The following SEMA3A variants were observed in gnomAD, a reference collection of about 807,000 sequenced individuals.
SEMA3A encodes the protein semaphorin-3A.
SEMA3A carries 29 observed loss-of-function variants against 97.9 expected under a neutral mutation model. The ratio of observed to expected loss-of-function variants is 0.30; its 90% CI spans 0.22 to 0.40. The LOEUF (loss-of-function observed/expected upper bound fraction) is 0.40, where lower values mean the gene tolerates loss of function less well. Among genes scored for constraint, SEMA3A ranks in the 10% least tolerant of loss-of-function variants. SEMA3A has a pLI of 1.00. For synonymous variants in SEMA3A, 321 were observed against 323.7 expected (o/e 0.99, Z 0.09); for missense variants, 763 against 951.3 (o/e 0.80, Z 2.60).
intron 6 of SEMA3A, among the ~76,000 whole-genome samples, chr7:84,020,138 C>G (rs1421799097): frequency 6.9e-6 from 1 of 145,956 alleles, no homozygotes; most frequent in Admixed American, 7.0e-5. Context: ...CTCCACCACC[C>G]GGGTTCAAGT....
intron 1 of SEMA3A, among the ~76,000 whole-genome samples, chr7:84,427,992 T>C (rs1392018359): frequency 2.0e-5 from 3 of 152,110 alleles, no homozygotes; most frequent in Admixed American, 6.6e-5. Context: ...GTAATGAATA[T>C]TGTATTTAGC....
intron 1 of SEMA3A, among the ~76,000 whole-genome samples, chr7:84,486,115 C>T (rs536920446): frequency 1.2e-4 from 18 of 152,220 alleles, no homozygotes; most frequent in African/African-American, 3.6e-4. Flanking sequence ...ACAGGCCAGG[C>T]GTGGTGGCTC....
At chr7:84,008,002 T>A (rs1790734061) in intron 9 of SEMA3A, among the ~76,000 whole-genome samples, 1 of 152,136 alleles carries the variant, frequency 6.6e-6, no homozygotes, top group South Asian at 2.1e-4. Context: ...AAGTATTAGA[T>A]CAAGTAGAAG....
chr7:84,280,556 G>A (rs1031426370), intron 3 of SEMA3A, among the ~76,000 whole-genome samples: 15 of 151,954 alleles, frequency 9.9e-5, no homozygotes, highest in Non-Finnish European at 1.9e-4. Flanking sequence ...GGTAGAGGTG[G>A]GCATGTCACC....
chr7:83,991,039 C>A (rs1789902795), intron 12 of SEMA3A, among the ~76,000 whole-genome samples: 3 of 150,668 alleles, frequency 2.0e-5, no homozygotes, highest in Admixed American at 2.0e-4. Flanking sequence ...CTTCACATCC[C>A]TTGTAAGTTG....
In SEMA3A at chr7:84,129,115, A is replaced by G. The variant is rs1795883383; in HGVS notation, c.333+8T>C. On this transcript the variant is annotated splice_region_variant and intron_variant, in intron 3 of 16. Coordinates refer to ENST00000265362, the MANE Select transcript of SEMA3A (RefSeq NM_006080.3). ...ACCTGTATAATAATTTAGTAGGTTA[A>G]TGCTTACCAGGATGTCTTTTCCAGC... is the stretch of plus-strand genomic sequence containing the variant. The G allele has an allele frequency of 1.9e-6, 3 of 1,602,620 alleles. No individual in the cohort carries two copies. Among genetic ancestry groups the G allele is most frequent in the Non-Finnish European group, 2.6e-6 (3 of 1,169,582 alleles).
At chr7:84,409,471 T>C (rs540764025) in intron 1 of SEMA3A, among the ~76,000 whole-genome samples, 16 of 152,202 alleles carry the variant, frequency 1.1e-4, no homozygotes, top group South Asian at 6.2e-4. Context: ...TTTGTGTTAC[T>C]TCCTTGGCAT....
At chr7:84,010,965 C>A (rs1790852424) in intron 9 of SEMA3A, 57 bp downstream of exon 9, 4 of 1,320,066 alleles carry the variant, frequency 3.0e-6, no homozygotes, top group Non-Finnish European at 4.2e-6. Context: ...ATTATGAGTA[C>A]TTGGATAGCA....
At chr7:84,009,551 T>C (rs1790794455) in intron 9 of SEMA3A, among the ~76,000 whole-genome samples, 1 of 152,192 alleles carries the variant, frequency 6.6e-6, no homozygotes, top group African/African-American at 2.4e-5. Context: ...TGACTTTCGA[T>C]TTTTAATTAT....
chr7:84,137,294 G>A (rs569494629), intron 1 of SEMA3A, among the ~76,000 whole-genome samples: 4 of 151,382 alleles, frequency 2.6e-5, no homozygotes, highest in East Asian at 2.0e-4. Context: ...CTAGCTACTC[G>A]GGAGGCTGAG....
intron 2 of SEMA3A, among the ~76,000 whole-genome samples, chr7:84,333,220 A>G (rs1025543406): frequency 1.3e-5 from 2 of 152,164 alleles, no homozygotes; most frequent in Non-Finnish European, 2.9e-5. Flanking sequence ...CAAGATTTTC[A>G]TCACAAAAAA....
intron 3 of SEMA3A, among the ~76,000 whole-genome samples, chr7:84,271,851 T>C (rs138089954): frequency 1.2e-3 from 189 of 152,220 alleles, no homozygotes; most frequent in African/African-American, 4.3e-3. Flanking sequence ...GTATCAACCA[T>C]GTAAATATAA....
At chr7:84,484,051 A>C (rs1057259048) in intron 1 of SEMA3A, among the ~76,000 whole-genome samples, 5 of 151,382 alleles carry the variant, frequency 3.3e-5, no homozygotes, top group African/African-American at 1.2e-4. Context: ...TCTCAAAAAA[A>C]AGAAAAAAAA....
At chr7:84,045,214 T>C (rs1341812461) in intron 6 of SEMA3A, among the ~76,000 whole-genome samples, 1 of 151,952 alleles carries the variant, frequency 6.6e-6, no homozygotes, top group Non-Finnish European at 1.5e-5. Context: ...GAAAACTAAG[T>C]GTGGCAGAAG....
At chr7:84,404,968 A>T (rs1427553690) in intron 1 of SEMA3A, among the ~76,000 whole-genome samples, 1 of 152,232 alleles carries the variant, frequency 6.6e-6, no homozygotes, top group African/African-American at 2.4e-5. Flanking sequence ...CATCAAGGCT[A>T]GGAAGAAACT....
At chr7:84,128,205 T>C (rs951535544) in intron 3 of SEMA3A, among the ~76,000 whole-genome samples, 18 of 152,008 alleles carry the variant, frequency 1.2e-4, no homozygotes, top group African/African-American at 3.6e-4. Flanking sequence ...TCCTATTGCA[T>C]GGTCCTTTTT....
intron 3 of SEMA3A, among the ~76,000 whole-genome samples, chr7:84,256,321 C>G (rs547181863): frequency 9.1e-4 from 138 of 152,120 alleles, no homozygotes; most frequent in Admixed American, 5.0e-3. Context: ...AATGATTTGT[C>G]TCTAACTCAT....
At chr7:84,322,722 C>T (rs1584238718) in intron 2 of SEMA3A, among the ~76,000 whole-genome samples, 1 of 152,182 alleles carries the variant, frequency 6.6e-6, no homozygotes, top group Admixed American at 6.5e-5. Flanking sequence ...TCTTCATTAG[C>T]AGCGTGAGAA....
chr7:84,325,352 A>G, intron 2 of SEMA3A, among the ~76,000 whole-genome samples: 1 of 152,252 alleles, frequency 6.6e-6, no homozygotes, highest in African/African-American at 2.4e-5. Context: ...GAGGCAAAAA[A>G]GAGAGTGATG....
Sources: gnomAD v4.1 joint callset for allele counts (sites outside exome capture counted in the v4.1 genomes callset) on GRCh38, gnomAD v4.1.1 for gene constraint, MANE v1.5 for transcripts, NCBI Gene and HGNC (gene_info 2026-07-23, HGNC 2026-07-21) for gene names.